AUTS2: variants seen among roughly 807,000 people sequenced by gnomAD.
The protein encoded by AUTS2 is activator of transcription and developmental regulator AUTS2.
In AUTS2, 17 loss-of-function variants were observed where a neutral mutation model predicts 112.4. The observed-to-expected ratio is 0.15, with a 90% CI of 0.10 to 0.23. The LOEUF (loss-of-function observed/expected upper bound fraction) is 0.23, where lower values mean the gene tolerates loss of function less well. AUTS2 is among the 10% of genes least tolerant of loss of function. The pLI, the probability that AUTS2 is intolerant of heterozygous loss-of-function variation, is 1.00. For synonymous variants in AUTS2, 751 were observed against 702.7 expected, an observed-to-expected ratio of 1.07 and a Z score of -1.09; for missense variants, 1,510 against 1,701.6, an observed-to-expected ratio of 0.89 and a Z score of 1.98.
intron 5 of AUTS2, among the ~76,000 whole-genome samples, chr7:70,651,499 C>A (rs768340448): frequency 3.9e-5 from 6 of 152,306 alleles, no homozygotes; most frequent in Non-Finnish European, 5.9e-5. Flanking sequence ...CTTAGCCCAG[C>A]CCCCCTTAAA....
Position 69,599,473 on chromosome 7 carries a change from T to G in AUTS2, c.-181T>G. On this transcript the variant is annotated 5_prime_UTR_variant, in exon 1 of 19. Transcript: ENST00000342771. This position sits in a 1 kb window ranked among gnomAD's most constrained non-coding sequence, Gnocchi z 7.0. Reference sequence around the variant, plus strand: ...CTCCCCTCTCTCCGCCCCTTCCCCCTTTTCTTTCTCCTCTCTTTCTTCCCC... The same window carrying G: ...CTCCCCTCTCTCCGCCCCTTCCCCCGTTTCTTTCTCCTCTCTTTCTTCCCC... 6 of 448,296 alleles carry G rather than the reference T, an allele frequency of 1.3e-5. No homozygotes were observed. Among genetic ancestry groups the G allele is most frequent in the South Asian group, 1.1e-4 (1 of 8,816 alleles). 27.8% of individuals were successfully genotyped at this position (448,296 alleles called of 1,614,324 possible). A position where few individuals can be genotyped will look rare whatever the true frequency, so the allele number is the denominator to read the frequency against.
intron 5 of AUTS2, 146 bp downstream of exon 5, chr7:70,435,927 G>A: frequency 1.3e-6 from 1 of 790,348 alleles, no homozygotes; most frequent in Non-Finnish European, 2.1e-6. Context: ...TTCACACAGT[G>A]ACATTTCCTA....
intron 4 of AUTS2, among the ~76,000 whole-genome samples, chr7:70,272,677 A>G (rs1361018137): frequency 6.6e-6 from 1 of 152,178 alleles, no homozygotes. Flanking sequence ...AAGGTTTTAC[A>G]GAACAGATTT....
At chr7:69,607,904 G>T (rs1792817943) in intron 1 of AUTS2, among the ~76,000 whole-genome samples, 1 of 152,116 alleles carries the variant, frequency 6.6e-6, no homozygotes, top group South Asian at 2.1e-4. Context: ...GTGACTCTTG[G>T]TTACATGGGT....
intron 2 of AUTS2, among the ~76,000 whole-genome samples, chr7:69,936,406 G>C (rs950512187): frequency 1.3e-5 from 2 of 152,062 alleles, no homozygotes; most frequent in African/African-American, 2.4e-5. Flanking sequence ...CTGGAGTGCA[G>C]TGGCGTGATC....
chr7:69,604,498 G>A (rs960501948), intron 1 of AUTS2, among the ~76,000 whole-genome samples: 3 of 152,180 alleles, frequency 2.0e-5, no homozygotes, highest in Admixed American at 6.5e-5. Context: ...TCAACTAAGC[G>A]CCATAGGCTT....
chr7:69,842,038 T>C (rs1163975378), intron 1 of AUTS2, among the ~76,000 whole-genome samples: 1 of 152,188 alleles, frequency 6.6e-6, no homozygotes, highest in Non-Finnish European at 1.5e-5. Flanking sequence ...GTGTTTGTTT[T>C]ATATTTATAT....
At chr7:70,589,983 G>T (rs1455809597) in intron 5 of AUTS2, among the ~76,000 whole-genome samples, 2 of 152,138 alleles carry the variant, frequency 1.3e-5, no homozygotes, top group African/African-American at 4.8e-5. Context: ...CAGGAGGAGG[G>T]AGAGCAGTCT....
chr7:69,660,413 C>A (rs1047603664), intron 1 of AUTS2, among the ~76,000 whole-genome samples: 14 of 152,034 alleles, frequency 9.2e-5, no homozygotes, highest in Admixed American at 9.2e-4. Context: ...CCTTTTTAGA[C>A]TTCATGGTGA....
At chr7:69,639,200 T>C (rs929700183) in intron 1 of AUTS2, among the ~76,000 whole-genome samples, 1 of 152,226 alleles carries the variant, frequency 6.6e-6, no homozygotes. Flanking sequence ...CATCTCTTTA[T>C]TGTATGTTAA....
At chr7:70,738,423 T>TG (rs1008966633) in intron 6 of AUTS2, among the ~76,000 whole-genome samples, 4 of 149,980 alleles carry the variant, frequency 2.7e-5, no homozygotes, top group African/African-American at 7.3e-5. Context: ...TTTTTGTTTT[T>TG]TTTTTTTTTA....
chr7:69,897,963 TAA>T (rs1794822367), intron 1 of AUTS2, among the ~76,000 whole-genome samples: 1 of 152,074 alleles, frequency 6.6e-6, no homozygotes, highest in Non-Finnish European at 1.5e-5. Flanking sequence ...GAGAAATGAG[TAA>T]AAGGAAATTT....
intron 1 of AUTS2, among the ~76,000 whole-genome samples, chr7:69,887,964 A>T (rs1015446575): frequency 2.0e-5 from 3 of 152,052 alleles, no homozygotes; most frequent in African/African-American, 7.2e-5. Flanking sequence ...GAAATGGTTT[A>T]TCCGGGATAT....
chr7:70,763,958 A>C (rs1789739003), intron 7 of AUTS2, among the ~76,000 whole-genome samples: 1 of 152,156 alleles, frequency 6.6e-6, no homozygotes, highest in Non-Finnish European at 1.5e-5. Flanking sequence ...CCAAGTTACA[A>C]AGAAGCGTCT....
chr7:70,051,400 C>T (rs1321266495), intron 2 of AUTS2, among the ~76,000 whole-genome samples: 1 of 152,102 alleles, frequency 6.6e-6, no homozygotes, highest in Non-Finnish European at 1.5e-5. Context: ...AATAAAGATA[C>T]TCTTTTGCTG....
intron 4 of AUTS2, among the ~76,000 whole-genome samples, chr7:70,391,381 G>T (rs984286055): frequency 1.3e-5 from 2 of 152,182 alleles, no homozygotes; most frequent in Admixed American, 1.3e-4. Context: ...TTATTTGAAT[G>T]AATATTTCAA....
In AUTS2 at chr7:70,766,411, G is replaced by C; in HGVS notation, c.1689+77G>C. On this transcript the variant is annotated intron_variant, in intron 9 of 18. Coordinates refer to ENST00000342771, the MANE Select transcript of AUTS2 (RefSeq NM_015570.4). This position sits in a 1 kb window ranked among gnomAD's most constrained non-coding sequence, Gnocchi z 4.8. ...TTATGCAGCACGTGGGACCGGGCTG[G>C]GCAGCGGGGCCACCAGAGATCGAAT... 6.5e-7 allele frequency: 1 copy of C among 1,535,922 alleles called. No individual in the cohort carries two copies. The highest frequency in any genetic ancestry group is 8.9e-7 in the Non-Finnish European group (1 of 1,127,634).
chr7:69,610,694 A>G (rs1016468858), intron 1 of AUTS2, among the ~76,000 whole-genome samples: 4 of 152,190 alleles, frequency 2.6e-5, no homozygotes, highest in Non-Finnish European at 5.9e-5. Flanking sequence ...CGCATCATTC[A>G]GATTTCAGAG....
chr7:70,016,678 T>G (rs1302153914), intron 2 of AUTS2, among the ~76,000 whole-genome samples: 2 of 152,016 alleles, frequency 1.3e-5, no homozygotes, highest in African/African-American at 4.8e-5. Flanking sequence ...ATTTTTTTTT[T>G]TTTTTTTGAA....
Sources: allele counts gnomAD v4.1 joint callset (sites outside exome capture counted in the v4.1 genomes callset), GRCh38; gene constraint gnomAD v4.1.1; non-coding constraint Gnocchi (gnomAD v3.1); transcripts MANE v1.5; gene names NCBI Gene and HGNC (gene_info 2026-07-23, HGNC 2026-07-21).